The following RCL1 variants were observed in gnomAD, a reference collection of about 807,000 sequenced individuals.
RCL1 encodes the protein RNA 3'-terminal phosphate cyclase-like protein.
A neutral mutation model predicts 42.4 loss-of-function variants in RCL1; 24 were observed. The observed-to-expected ratio is 0.57, with a 90% CI of 0.41 to 0.80. The LOEUF is 0.80. Ranked by LOEUF, RCL1 falls within the 30% of genes least tolerant of loss-of-function variation. RCL1 has a pLI of 0.00. For missense variants in RCL1, 578 were observed against 467.9 expected (o/e 1.24, Z -2.17); for synonymous variants, 228 against 177.3 (o/e 1.29, Z -2.27).
rs115474619 is a variant in RCL1, at chr9:4,852,755, C to T, written c.971+3205C>T. 2.0e-3 allele frequency among the ~76,000 whole-genome samples: 282 copies of T among 138,630 alleles called. 1 individual carries two copies. Among genetic ancestry groups the T allele is most frequent in the African/African-American group, 7.3e-3 (273 of 37,312 alleles). The allele number at this position is 138,630 out of a possible 152,430, so 90.9% of individuals were successfully genotyped here. A position where few individuals can be genotyped will look rare whatever the true frequency, so the allele number is the denominator to read the frequency against. On this transcript the variant is annotated intron_variant, in intron 8 of 8. Coordinates refer to ENST00000381750, the MANE Select transcript of RCL1 (RefSeq NM_005772.5). ...CCCTTCACCCTGCTGCAGTCCAGTCCCTTGGTCAGGTCACTTTTTTTTTTT... is the reference window on the plus strand; with the variant it reads ...CCCTTCACCCTGCTGCAGTCCAGTCTCTTGGTCAGGTCACTTTTTTTTTTT...
At chr9:4,815,620 C>T (rs1010900547) in intron 1 of RCL1, among the ~76,000 whole-genome samples, 1 of 151,970 alleles carries the variant, frequency 6.6e-6, no homozygotes. Context: ...GGCCACTGGT[C>T]TAGGGTGTAT....
chr9:4,804,052 T>A (rs1192178437), intron 1 of RCL1: 1 of 152,468 alleles, frequency 6.6e-6, no homozygotes, highest in Non-Finnish European at 1.5e-5. Flanking sequence ...AGTGATCTTT[T>A]TTGGCTTGTG....
chr9:4,796,671 A>G (rs1216266757), intron 1 of RCL1, among the ~76,000 whole-genome samples: 2 of 152,154 alleles, frequency 1.3e-5, no homozygotes, highest in Non-Finnish European at 2.9e-5. Flanking sequence ...AATTGCTGGG[A>G]TTACAGGCAT....
intron 1 of RCL1, among the ~76,000 whole-genome samples, chr9:4,811,110 T>G (rs981697397): frequency 1.2e-4 from 18 of 151,870 alleles, no homozygotes; most frequent in African/African-American, 3.6e-4. Flanking sequence ...AGACCCCATC[T>G]CCACAAAAAT....
chr9:4,850,983 C>A (rs1817726626), intron 8 of RCL1, among the ~76,000 whole-genome samples: 1 of 152,108 alleles, frequency 6.6e-6, no homozygotes, highest in Admixed American at 6.5e-5. Context: ...TTTGGCAGAA[C>A]ATTCTGTGAA....
chr9:4,851,026 C>T (rs549343446), intron 8 of RCL1, among the ~76,000 whole-genome samples: 11 of 152,164 alleles, frequency 7.2e-5, no homozygotes, highest in African/African-American at 1.2e-4. Flanking sequence ...TTTCGTGACA[C>T]TTTTTTTCTT....
At chr9:4,821,385 C>G (rs573680414) in intron 1 of RCL1, among the ~76,000 whole-genome samples, 2 of 152,266 alleles carry the variant, frequency 1.3e-5, no homozygotes, top group African/African-American at 4.8e-5. Context: ...TGTCATTTGA[C>G]TAGGGCAATC....
At chr9:4,848,575 A>G (rs548077118) in intron 7 of RCL1, among the ~76,000 whole-genome samples, 10 of 152,384 alleles carry the variant, frequency 6.6e-5, no homozygotes, top group Admixed American at 3.9e-4. Context: ...CAAAATATGT[A>G]GAAATTCAAG....
intron 8 of RCL1, among the ~76,000 whole-genome samples, chr9:4,854,484 G>T (rs79457037): frequency 6.0e-4 from 92 of 152,248 alleles, no homozygotes; most frequent in African/African-American, 2.0e-3. Flanking sequence ...ATATCCAGTG[G>T]CATAGTAACC....
intron 6 of RCL1, among the ~76,000 whole-genome samples, chr9:4,844,196 G>A (rs927215848): frequency 6.6e-6 from 1 of 152,106 alleles, no homozygotes; most frequent in African/African-American, 2.4e-5. Context: ...TGTTAAAGGG[G>A]GCAGGTCTGT....
intron 1 of RCL1, among the ~76,000 whole-genome samples, chr9:4,808,097 T>C (rs1448480561): frequency 6.6e-6 from 1 of 152,164 alleles, no homozygotes; most frequent in Non-Finnish European, 1.5e-5. Flanking sequence ...AGTTCTTCTT[T>C]GTCCTTGCTG....
intron 1 of RCL1, among the ~76,000 whole-genome samples, chr9:4,818,871 C>CAAAAAA (rs34209971): frequency 8.7e-6 from 1 of 115,158 alleles, no homozygotes; most frequent in Non-Finnish European, 1.8e-5. Flanking sequence ...GACTCTGTCT[C>CAAAAAA]AAAAAAAAAA....
At chr9:4,803,411 T>A (rs1347878905) in intron 1 of RCL1, among the ~76,000 whole-genome samples, 2 of 152,206 alleles carry the variant, frequency 1.3e-5, no homozygotes, top group East Asian at 3.8e-4. Context: ...TTCATGCTTA[T>A]ATCGTATTAA....
chr9:4,840,960 G>T (rs1817297353), intron 5 of RCL1, among the ~76,000 whole-genome samples: 1 of 152,120 alleles, frequency 6.6e-6, no homozygotes, highest in African/African-American at 2.4e-5. Flanking sequence ...ATTTCTAGGG[G>T]AAGCGTGTGG....
chr9:4,857,680 A>G (rs1563863107), intron 8 of RCL1, among the ~76,000 whole-genome samples: 1 of 152,168 alleles, frequency 6.6e-6, no homozygotes, highest in Non-Finnish European at 1.5e-5. Flanking sequence ...ATTTTGAGGA[A>G]CTGCCAGGTT....
intron 5 of RCL1, among the ~76,000 whole-genome samples, chr9:4,838,640 A>T (rs1817216861): frequency 6.6e-6 from 1 of 152,208 alleles, no homozygotes; most frequent in Admixed American, 6.5e-5. Flanking sequence ...GGGGAAGGGG[A>T]AGAGTGGGAG....
Position 4,793,186 on chromosome 9 carries a change from T to C in RCL1, c.95T>C (p.Ile32Thr). Residue 32 changes from isoleucine (I) to threonine (T), a missense_variant, in exon 1 of 9, where the codon ATC becomes ACC. By Grantham distance (89) the Ile-to-Thr change is moderately conservative. Coordinates refer to ENST00000381750, the MANE Select transcript of RCL1 (RefSeq NM_005772.5). ...LSTLSGRPVK[I>T]RKIRARDDNP... ...ACCCTGAGCGGGCGCCCCGTCAAAA[T>C]CCGAAAGATTCGGGCCAGAGACGAC... 1 of 1,609,442 alleles carries C rather than the reference T, an allele frequency of 6.2e-7. No individual in the cohort carries two copies. The highest frequency in any genetic ancestry group is 8.5e-7 in the Non-Finnish European group (1 of 1,177,980).
intron 7 of RCL1, among the ~76,000 whole-genome samples, chr9:4,848,384 GCC>G (rs1817591752): frequency 6.6e-6 from 1 of 152,168 alleles, no homozygotes; most frequent in African/African-American, 2.4e-5. Flanking sequence ...ATATCTGACA[GCC>G]AGAGAATTTC....
At chr9:4,822,517 T>G (rs1410132605) in intron 1 of RCL1, among the ~76,000 whole-genome samples, 1 of 152,174 alleles carries the variant, frequency 6.6e-6, no homozygotes, top group African/African-American at 2.4e-5. Flanking sequence ...CTTTCTCTTT[T>G]AAACAATGAC....
Sources: gnomAD v4.1 joint callset for allele counts (sites outside exome capture counted in the v4.1 genomes callset) on GRCh38, gnomAD v4.1.1 for gene constraint, MANE v1.5 for transcripts, NCBI Gene and HGNC (gene_info 2026-07-23, HGNC 2026-07-21) for gene names.